Variants in BBS9 observed in about 807,000 individuals in gnomAD.
The protein encoded by BBS9 is protein PTHB1.
Under a neutral mutation model 117.7 loss-of-function variants are expected in BBS9, and 89 were observed. The ratio of observed to expected loss-of-function variants is 0.76; its 90% CI spans 0.64 to 0.90. The LOEUF (loss-of-function observed/expected upper bound fraction) is 0.90. Among genes scored for constraint, BBS9 ranks in the 40% least tolerant of loss-of-function variants. BBS9 has a pLI of 0.00. For synonymous variants in BBS9, 379 were observed against 370.9 expected (o/e 1.02, Z -0.25); for missense variants, 982 against 1,042.2 (o/e 0.94, Z 0.80).
At chr7:33,365,081 C>T (rs746562196) in intron 16 of BBS9, among the ~76,000 whole-genome samples, 193 of 150,494 alleles carry the variant, frequency 1.3e-3, no homozygotes, top group Non-Finnish European at 2.1e-3. Context: ...TTTTGTTTCT[C>T]TTTTTTTTTC....
intron 19 of BBS9, among the ~76,000 whole-genome samples, chr7:33,393,780 A>G (rs1827475999): frequency 6.6e-6 from 1 of 152,132 alleles, no homozygotes. Flanking sequence ...TAGGACCATC[A>G]TCCTGCAGTT....
chr7:33,574,133 C>T (rs1858310734), intron 21 of BBS9, among the ~76,000 whole-genome samples: 1 of 152,256 alleles, frequency 6.6e-6, no homozygotes, highest in East Asian at 1.9e-4. Context: ...ATGCTTGTTC[C>T]ACCTACACCA....
At chr7:33,406,035 G>A (rs1359049895) in intron 19 of BBS9, among the ~76,000 whole-genome samples, 1 of 151,606 alleles carries the variant, frequency 6.6e-6, no homozygotes, top group Non-Finnish European at 1.5e-5. Context: ...AGAGATTCTG[G>A]TATGTTGTGT....
intron 21 of BBS9, among the ~76,000 whole-genome samples, chr7:33,583,824 C>T (rs1477820463): frequency 1.3e-5 from 2 of 152,090 alleles, no homozygotes; most frequent in African/African-American, 2.4e-5. Flanking sequence ...TATTTAACCC[C>T]TCTGTGCCTC....
In BBS9 at chr7:33,236,133, C is replaced by A. The variant is rs185455654; in HGVS notation, c.443-21103C>A. 8.9e-4 allele frequency among the ~76,000 whole-genome samples: 135 copies of A among 152,020 alleles called. No homozygotes were observed. In the East Asian group the frequency reaches 0.017, roughly 19 times the overall value. Reference sequence around the variant, plus strand: ...CCTGAGGTTGGGAGTTCAAGACCATCCTGACCAACATGGAGAAACCCCATC... The same window carrying A: ...CCTGAGGTTGGGAGTTCAAGACCATACTGACCAACATGGAGAAACCCCATC... On this transcript the variant is annotated intron_variant, in intron 5 of 22. Transcript: ENST00000242067.
intron 21 of BBS9, among the ~76,000 whole-genome samples, chr7:33,565,150 A>G (rs1856652888): frequency 6.6e-6 from 1 of 152,190 alleles, no homozygotes; most frequent in South Asian, 2.1e-4. Context: ...GCCTTGAGCT[A>G]GTCTTTGGTA....
At chr7:33,554,515 C>G (rs890850103) in intron 21 of BBS9, among the ~76,000 whole-genome samples, 6 of 152,130 alleles carry the variant, frequency 3.9e-5, no homozygotes, top group African/African-American at 1.4e-4. Context: ...GCAAAGATGA[C>G]TCCTGGAATG....
At chr7:33,509,732 G>C (rs148743411) in intron 20 of BBS9, among the ~76,000 whole-genome samples, 1 of 152,164 alleles carries the variant, frequency 6.6e-6, no homozygotes, top group East Asian at 1.9e-4. Flanking sequence ...GTGTTAAAAG[G>C]CAGCCTAAAT....
chr7:33,263,567 A>G (rs1798316927), intron 6 of BBS9, among the ~76,000 whole-genome samples: 1 of 152,280 alleles, frequency 6.6e-6, no homozygotes, highest in South Asian at 2.1e-4. Context: ...AAATGCCACT[A>G]TTGAAATAGA....
At chr7:33,359,776 A>G (rs1046959934) in intron 16 of BBS9, among the ~76,000 whole-genome samples, 5 of 152,066 alleles carry the variant, frequency 3.3e-5, no homozygotes, top group Admixed American at 6.6e-5. Flanking sequence ...TTTACTCTAC[A>G]TGTCTTCCCA....
intron 21 of BBS9, among the ~76,000 whole-genome samples, chr7:33,558,846 AAATG>A (rs1855670304): frequency 6.6e-6 from 1 of 152,222 alleles, no homozygotes; most frequent in Non-Finnish European, 1.5e-5. Flanking sequence ...ACATTTGAGA[AAATG>A]AATAATTTAG....
intron 5 of BBS9, among the ~76,000 whole-genome samples, chr7:33,248,670 T>C (rs1795750966): frequency 1.3e-5 from 2 of 152,190 alleles, no homozygotes; most frequent in Non-Finnish European, 2.9e-5. Context: ...TGTTGTATCA[T>C]TTTTGAGGTA....
At chr7:33,155,603 A>G (rs374901995) in intron 3 of BBS9, 35 bp from the exon 4 acceptor site, 1 of 1,462,142 alleles carries the variant, frequency 6.8e-7, no homozygotes, top group South Asian at 1.1e-5. Context: ...TAAAGCTAAT[A>G]TTGGAAAACT....
In BBS9 at chr7:33,606,046, A is replaced by G. The variant is rs934619811; in HGVS notation, c.*820A>G. 5 of 152,210 alleles carry G rather than the reference A, an allele frequency of 3.3e-5. No individual in the cohort carries two copies. Among genetic ancestry groups the G allele is most frequent in the African/African-American group, 1.2e-4 (5 of 41,460 alleles). 9.4% of individuals were successfully genotyped at this position (152,210 alleles called of 1,614,324 possible). A position where few individuals can be genotyped will look rare whatever the true frequency, so the allele number is the denominator to read the frequency against. ...ACAGTTGTGAGATTGATTTATTTAAATAAAAATATGCCTTTGCCAGTTTTG... is the reference window on the plus strand; with the variant it reads ...ACAGTTGTGAGATTGATTTATTTAAGTAAAAATATGCCTTTGCCAGTTTTG... On this transcript the variant is annotated 3_prime_UTR_variant, in exon 23 of 23. Coordinates refer to ENST00000242067, the MANE Select transcript of BBS9 (RefSeq NM_198428.3).
chr7:33,173,776 T>C (rs554343613), intron 4 of BBS9, among the ~76,000 whole-genome samples: 2 of 152,264 alleles, frequency 1.3e-5, no homozygotes, highest in East Asian at 3.9e-4. Flanking sequence ...GGCCTAATAC[T>C]TATGCACGTA....
At chr7:33,513,706 A>G (rs575959297) in intron 20 of BBS9, among the ~76,000 whole-genome samples, 3 of 152,338 alleles carry the variant, frequency 2.0e-5, no homozygotes, top group African/African-American at 7.2e-5. Flanking sequence ...CCATAAATAA[A>G]TATTCACATA....
chr7:33,227,590 G>A (rs1791532559), intron 5 of BBS9, among the ~76,000 whole-genome samples: 1 of 152,024 alleles, frequency 6.6e-6, no homozygotes, highest in Non-Finnish European at 1.5e-5. Context: ...CTCAATATGT[G>A]GTCTTTCATC....
chr7:33,339,885 G>A (rs187170046), intron 10 of BBS9, among the ~76,000 whole-genome samples: 70 of 152,166 alleles, frequency 4.6e-4, no homozygotes, highest in Admixed American at 9.8e-4. Context: ...TGAGATGAAG[G>A]TGAATAGCTC....
At chr7:33,615,970 G>C (rs1865108132) in intron 21 of BBS9, among the ~76,000 whole-genome samples, 1 of 151,926 alleles carries the variant, frequency 6.6e-6, no homozygotes, top group African/African-American at 2.4e-5. Flanking sequence ...AAAAATGAAA[G>C]GGAAATAAAG....
Sources: allele counts gnomAD v4.1 joint callset (sites outside exome capture counted in the v4.1 genomes callset), GRCh38; gene constraint gnomAD v4.1.1; transcripts MANE v1.5; gene names NCBI Gene and HGNC (gene_info 2026-07-23, HGNC 2026-07-21).